ITGA8: variants seen among roughly 807,000 people sequenced by gnomAD.
ITGA8 encodes integrin subunit alpha 8, also known as integrin alpha-8.
Under a neutral mutation model 142.3 loss-of-function variants are expected in ITGA8, and 91 were observed. That is an observed-to-expected ratio of 0.64 (90% confidence interval 0.54 to 0.76). The LOEUF (loss-of-function observed/expected upper bound fraction) is 0.76, where lower values mean the gene tolerates loss of function less well. ITGA8 is among the 30% of genes least tolerant of loss of function. The pLI is 0.00. For synonymous variants in ITGA8, 505 were observed against 485.2 expected, an observed-to-expected ratio of 1.04 and a Z score of -0.54; for missense variants, 1,406 against 1,327.7, an observed-to-expected ratio of 1.06 and a Z score of -0.92.
At chr10:15,575,939 A>C (rs1274803795) in intron 23 of ITGA8, among the ~76,000 whole-genome samples, 1 of 117,108 alleles carries the variant, frequency 8.5e-6, no homozygotes, top group East Asian at 2.7e-4. Flanking sequence ...ACATGTGAGA[A>C]CGTGTGTGTG....
At chr10:15,633,097 A>G (rs566738062) in intron 13 of ITGA8, among the ~76,000 whole-genome samples, 73 of 152,298 alleles carry the variant, frequency 4.8e-4, no homozygotes, top group Middle Eastern at 3.4e-3. Context: ...TACAGAGCAT[A>G]TATCTTTTTC....
At chr10:15,669,109 A>G (rs934435062) in intron 8 of ITGA8, among the ~76,000 whole-genome samples, 1 of 152,144 alleles carries the variant, frequency 6.6e-6, no homozygotes, top group Non-Finnish European at 1.5e-5. Context: ...TATCCTGCAG[A>G]GTGTTTTCCA....
chr10:15,676,540 C>T (rs537485229), intron 6 of ITGA8, among the ~76,000 whole-genome samples: 9 of 152,134 alleles, frequency 5.9e-5, no homozygotes, highest in Middle Eastern at 3.4e-3. Context: ...TGTGACAGTT[C>T]GATTAATGCC....
At chr10:15,708,068 C>G (rs540965152) in intron 2 of ITGA8, among the ~76,000 whole-genome samples, 1 of 151,996 alleles carries the variant, frequency 6.6e-6, no homozygotes, top group East Asian at 1.9e-4. Flanking sequence ...GAACCCCATC[C>G]GACGGGACAA....
intron 8 of ITGA8, among the ~76,000 whole-genome samples, chr10:15,664,612 C>A (rs1038800209): frequency 6.6e-5 from 10 of 151,292 alleles, no homozygotes; most frequent in African/African-American, 2.4e-4. Context: ...GTGTGCTGCA[C>A]CCATTAACTC....
chr10:15,647,145 G>A, intron 11 of ITGA8, 94 bp from the exon 12 acceptor site: 1 of 930,232 alleles, frequency 1.1e-6, no homozygotes. Flanking sequence ...ATTTCCATTG[G>A]TATTTTTCCT....
intron 2 of ITGA8, among the ~76,000 whole-genome samples, chr10:15,707,348 A>G (rs985237372): frequency 6.6e-6 from 1 of 152,206 alleles, no homozygotes; most frequent in African/African-American, 2.4e-5. Context: ...GTGGAAGAAG[A>G]TGTTGCTGCT....
At chr10:15,556,502 G>A (rs1833892098) in intron 26 of ITGA8, among the ~76,000 whole-genome samples, 1 of 152,112 alleles carries the variant, frequency 6.6e-6, no homozygotes, top group Admixed American at 6.5e-5. Flanking sequence ...AGTGTTCCCA[G>A]CCTGTCCCTG....
chr10:15,656,931 C>T (rs762589007), intron 10 of ITGA8, among the ~76,000 whole-genome samples: 1 of 152,200 alleles, frequency 6.6e-6, no homozygotes, highest in South Asian at 2.1e-4. Flanking sequence ...TGAGCAGTGT[C>T]TGGACCAAAG....
intron 24 of ITGA8, among the ~76,000 whole-genome samples, chr10:15,574,128 G>A (rs185071250): frequency 3.4e-4 from 52 of 151,946 alleles, no homozygotes; most frequent in South Asian, 1.2e-3. Flanking sequence ...AGCCATATAT[G>A]TTGGCTTCTA....
Position 15,517,260 on chromosome 10 carries a change from T to C in ITGA8, c.3106-16A>G, listed in dbSNP as rs1201709542. ...AGAATCCACACTATAAAGGGAAAGA[T>C]GGGCTATAAAATCACGTCATTCTGG... On this transcript the variant is annotated splice_polypyrimidine_tract_variant and intron_variant, in intron 29 of 29. Coordinates refer to ENST00000378076, the MANE Select transcript of ITGA8 (RefSeq NM_003638.3). 6.4e-7 allele frequency: 1 copy of C among 1,562,986 alleles called. No individual in the cohort carries two copies. The highest frequency in any genetic ancestry group is 8.7e-7 in the Non-Finnish European group (1 of 1,143,506).
At chr10:15,585,774 C>T (rs1460199182) in intron 23 of ITGA8, among the ~76,000 whole-genome samples, 2 of 152,152 alleles carry the variant, frequency 1.3e-5, no homozygotes, top group African/African-American at 2.4e-5. Flanking sequence ...TTTCCCCCGT[C>T]TCTCAGTTGA....
chr10:15,536,540 A>G (rs369070098), intron 27 of ITGA8, among the ~76,000 whole-genome samples: 1 of 152,298 alleles, frequency 6.6e-6, no homozygotes, highest in East Asian at 1.9e-4. Flanking sequence ...CAATAGTATT[A>G]TTCTTATGTT....
chr10:15,608,288 A>G lies in ITGA8; in HGVS notation c.1556T>C (p.Phe519Ser). 3.8e-6 allele frequency: 6 copies of G among 1,585,076 alleles called. No homozygotes were observed. The highest frequency in any genetic ancestry group is 4.3e-6 in the Non-Finnish European group (5 of 1,165,968). The change falls in exon 16 of 30, where the codon TTT becomes TCT. Residue 519 changes from phenylalanine (F) to serine (S), a missense_variant and splice_region_variant. Phe to Ser is a radical substitution (Grantham distance 155). Coordinates refer to ENST00000378076, the MANE Select transcript of ITGA8 (RefSeq NM_003638.3). ...VPDSMTSAAC[F>S]SLRVCASVTG... is the part of the protein sequence containing the mutation. ...GACAGATGCACATACTCTTAAAGAA[A>G]AGCTATAGAAAATAGTAGTAATTTA...
intron 23 of ITGA8, among the ~76,000 whole-genome samples, chr10:15,578,511 C>A (rs1564359824): frequency 6.6e-6 from 1 of 152,058 alleles, no homozygotes; most frequent in Non-Finnish European, 1.5e-5. Context: ...GTTTTCATTT[C>A]TCTGGAATAA....
At chr10:15,591,778 G>A (rs1233327704) in intron 22 of ITGA8, among the ~76,000 whole-genome samples, 1 of 152,176 alleles carries the variant, frequency 6.6e-6, no homozygotes, top group Non-Finnish European at 1.5e-5. Context: ...CTGCCACAGT[G>A]CGCATAGGTA....
rs1463957535 is a variant in ITGA8 at position 15,704,182 on chromosome 10, G to A, written c.343+14584C>T. On this transcript the variant is annotated intron_variant, in intron 2 of 29. Transcript: ENST00000378076. Reference sequence around the variant, plus strand: ...CCATCTACTTCTTTCCATCCCTGTTGCCACTTCCCTAGTTATGGTCAACAT... The same window carrying A: ...CCATCTACTTCTTTCCATCCCTGTTACCACTTCCCTAGTTATGGTCAACAT... 4.6e-5 allele frequency among the ~76,000 whole-genome samples: 7 copies of A among 152,142 alleles called. No homozygotes were observed. The East Asian group carries it at 1.3e-3, about 29-fold the overall frequency.
At chr10:15,576,258 G>A (rs768289702) in intron 23 of ITGA8, among the ~76,000 whole-genome samples, 5 of 152,086 alleles carry the variant, frequency 3.3e-5, no homozygotes, top group Admixed American at 6.6e-5. Flanking sequence ...GTGAGAGAGA[G>A]ACAGAGAGTT....
At chr10:15,629,416 T>C (rs1440298117) in intron 13 of ITGA8, among the ~76,000 whole-genome samples, 1 of 151,994 alleles carries the variant, frequency 6.6e-6, no homozygotes, top group Non-Finnish European at 1.5e-5. Flanking sequence ...TGTCACCCCC[T>C]CTGCCCCATT....
Sources: gnomAD v4.1 joint callset for allele counts (sites outside exome capture counted in the v4.1 genomes callset) on GRCh38, gnomAD v4.1.1 for gene constraint, MANE v1.5 for transcripts, NCBI Gene and HGNC (gene_info 2026-07-23, HGNC 2026-07-21) for gene names.